Variants in BICC1 observed in about 807,000 individuals in gnomAD.
BICC1 encodes the protein BicC family RNA binding protein 1, also known as protein bicaudal C homolog 1.
BICC1 carries 43 observed loss-of-function variants against 111.0 expected under a neutral mutation model. The ratio of observed to expected loss-of-function variants is 0.39; its 90% CI spans 0.30 to 0.50. The LOEUF is 0.50. Ranked by LOEUF, BICC1 falls within the 20% of genes least tolerant of loss-of-function variation. BICC1 has a pLI of 0.88. For synonymous variants in BICC1, 467 were observed against 434.4 expected, an observed-to-expected ratio of 1.07 and a Z score of -0.93; for missense variants, 1,091 against 1,203.2, an observed-to-expected ratio of 0.91 and a Z score of 1.38.
chr10:58,714,787 C>T (rs1416731744), intron 3 of BICC1, among the ~76,000 whole-genome samples: 1 of 151,336 alleles, frequency 6.6e-6, no homozygotes, highest in Non-Finnish European at 1.5e-5. Context: ...TATCAGGCCT[C>T]TCAGGAGCAA....
chr10:58,615,406 G>A (rs867710608), intron 1 of BICC1, among the ~76,000 whole-genome samples: 4 of 152,192 alleles, frequency 2.6e-5, no homozygotes, highest in South Asian at 2.1e-4. Flanking sequence ...TGGAGTGCAG[G>A]CTCCCAACTC....
chr10:58,530,701 AG>A (rs67222408), intron 1 of BICC1, among the ~76,000 whole-genome samples: 3,885 of 51,992 alleles, frequency 0.075, 77 homozygotes, highest in Admixed American at 0.16. Flanking sequence ...AAAAAAAAAA[AG>A]AAAATCAGAA....
Position 58,794,165 on chromosome 10 carries a change from TTGTGTGTG to T in BICC1, c.1179+588_1179+595del, listed in dbSNP as rs71006206. Among the ~76,000 whole-genome samples, 881 of 138,276 alleles carry T rather than the reference TTGTGTGTG, an allele frequency of 6.4e-3. 6 individuals are homozygous for T. The highest frequency in any genetic ancestry group is 0.02 in the African/African-American group (736 of 37,252). The allele number at this position is 138,276 out of a possible 152,430, so 90.7% of individuals were successfully genotyped here. On this transcript the variant is annotated intron_variant, in intron 9 of 20. Transcript: ENST00000373886. ...GAGTTGATAAGGCTACTTACATGTT[TTGTGTGTG>T]TGTGTGTGTGTGTGTGTGTGTGTGT...
At chr10:58,679,820 T>A (rs1839459907) in intron 2 of BICC1, among the ~76,000 whole-genome samples, 1 of 152,146 alleles carries the variant, frequency 6.6e-6, no homozygotes, top group South Asian at 2.1e-4. Flanking sequence ...CAGCAGCACA[T>A]TAAAAAGCTT....
Position 58,612,113 on chromosome 10 carries a change from G to A in BICC1, c.191-8742G>A, listed in dbSNP as rs142755244. On this transcript the variant is annotated intron_variant, in intron 1 of 20. Coordinates refer to ENST00000373886, the MANE Select transcript of BICC1 (RefSeq NM_001080512.3). Reference sequence around the variant, plus strand: ...CAGCATTCAGATGATACTTTTCACCGTTGAAATTTAAAGTTAGAAGTGTTC... The same window carrying A: ...CAGCATTCAGATGATACTTTTCACCATTGAAATTTAAAGTTAGAAGTGTTC... Among the ~76,000 whole-genome samples, 376 of 152,256 alleles carry A rather than the reference G, an allele frequency of 2.5e-3. 4 individuals are homozygous for A. The highest frequency in any genetic ancestry group is 8.0e-3 in the African/African-American group (334 of 41,550).
intron 1 of BICC1, among the ~76,000 whole-genome samples, chr10:58,571,674 C>T (rs1220304162): frequency 6.6e-6 from 1 of 152,072 alleles, no homozygotes; most frequent in African/African-American, 2.4e-5. Context: ...TGATCTCATT[C>T]CTTTTTATGG....
At chr10:58,569,164 A>G (rs1250185160) in intron 1 of BICC1, among the ~76,000 whole-genome samples, 1 of 152,186 alleles carries the variant, frequency 6.6e-6, no homozygotes, top group African/African-American at 2.4e-5. Flanking sequence ...AAAGGGAGAA[A>G]ACAGCACTTC....
Position 58,512,997 on chromosome 10 carries a change from C to CGGCGGCGTTGGCGGT in BICC1, c.-142_-128dup, listed in dbSNP as rs1355184710. The CGGCGGCGTTGGCGGT allele has an allele frequency of 7.4e-6, 3 of 406,806 alleles. No individual in the cohort carries two copies. Among genetic ancestry groups the CGGCGGCGTTGGCGGT allele is most frequent in the African/African-American group, 6.5e-5 (3 of 46,146 alleles). 25.2% of individuals were successfully genotyped at this position (406,806 alleles called of 1,614,324 possible). A position where few individuals can be genotyped will look rare whatever the true frequency, so the allele number is the denominator to read the frequency against. On this transcript the variant is annotated 5_prime_UTR_variant, in exon 1 of 21. Coordinates refer to ENST00000373886, the MANE Select transcript of BICC1 (RefSeq NM_001080512.3). ...GGATGCGCCGGGGGCTCAGTGGCGG[C>CGGCGGCGTTGGCGGT]GGCGGCGTTGGCGGTGGCGTCGGCG...
chr10:58,702,834 C>T (rs1489778259), intron 3 of BICC1, among the ~76,000 whole-genome samples: 3 of 152,164 alleles, frequency 2.0e-5, no homozygotes, highest in Non-Finnish European at 4.4e-5. Flanking sequence ...AATGCAGATG[C>T]ATGTAGTTGT....
chr10:58,685,003 A>T (rs1839669127), intron 2 of BICC1, among the ~76,000 whole-genome samples: 1 of 152,170 alleles, frequency 6.6e-6, no homozygotes, highest in Non-Finnish European at 1.5e-5. Context: ...TCTTGTGGGC[A>T]TTTAGTGCTA....
chr10:58,513,426 C>A, intron 1 of BICC1, 93 bp downstream of exon 1: 2 of 1,265,412 alleles, frequency 1.6e-6, no homozygotes, highest in South Asian at 1.6e-5. Context: ...GCTACTCCAG[C>A]CTACGGCCGG....
intron 1 of BICC1, among the ~76,000 whole-genome samples, chr10:58,578,388 C>T (rs928692783): frequency 8.5e-5 from 13 of 152,102 alleles, no homozygotes; most frequent in African/African-American, 2.7e-4. Flanking sequence ...TTTCCAACGT[C>T]GGGCCCACAT....
rs151123604 is a variant in BICC1, at chr10:58,599,571, G to A, written c.191-21284G>A. Among the ~76,000 whole-genome samples the A allele has an allele frequency of 8.4e-3, 1,277 of 152,208 alleles. 21 individuals are homozygous for A. Among genetic ancestry groups the A allele is most frequent in the African/African-American group, 0.028 (1,178 of 41,532 alleles). On this transcript the variant is annotated intron_variant, in intron 1 of 20. Coordinates refer to ENST00000373886, the MANE Select transcript of BICC1 (RefSeq NM_001080512.3). ...TGTAGGTGATGGGTTGTTGGGTGCA[G>A]CAAACCACCATGGCATGTGTATACC...
In BICC1 at chr10:58,741,127, T is replaced by G. The variant is rs545601167; in HGVS notation, c.307+38984T>G. ...AGAAGGCAGTGCTCACATTTGTATT[T>G]TAGATTTCTGGGTGGAGAATCACCT... On this transcript the variant is annotated intron_variant, in intron 3 of 20. Transcript: ENST00000373886. Among the ~76,000 whole-genome samples the G allele has an allele frequency of 2.0e-5, 3 of 152,164 alleles. No homozygotes were observed. In the East Asian group the frequency reaches 5.8e-4, roughly 29 times the overall value.
intron 2 of BICC1, among the ~76,000 whole-genome samples, chr10:58,627,826 A>G (rs1461698762): frequency 2.6e-5 from 4 of 152,234 alleles, no homozygotes; most frequent in South Asian, 2.1e-4. Context: ...ATCCATATAT[A>G]AAGATATTCA....
intron 3 of BICC1, among the ~76,000 whole-genome samples, chr10:58,782,496 G>C (rs994454801): frequency 6.6e-6 from 1 of 152,208 alleles, no homozygotes; most frequent in African/African-American, 2.4e-5. Context: ...CAGTTACTGA[G>C]TCCTGAAGGC....
At chr10:58,812,470 T>C (rs1352734854) in intron 17 of BICC1, among the ~76,000 whole-genome samples, 1 of 151,518 alleles carries the variant, frequency 6.6e-6, no homozygotes, top group Non-Finnish European at 1.5e-5. Flanking sequence ...TAAATTTCTT[T>C]TCTTTTCTTT....
chr10:58,827,452 A>G (rs1301063838), intron 20 of BICC1, among the ~76,000 whole-genome samples: 1 of 152,248 alleles, frequency 6.6e-6, no homozygotes, highest in Non-Finnish European at 1.5e-5. Flanking sequence ...AAAAAAAATA[A>G]TAAATAAAGG....
chr10:58,618,306 A>C (rs769450952), intron 1 of BICC1, among the ~76,000 whole-genome samples: 1 of 152,208 alleles, frequency 6.6e-6, no homozygotes, highest in Non-Finnish European at 1.5e-5. Context: ...CCGGTCTTGC[A>C]TGTGAGTCTG....
Sources: allele counts gnomAD v4.1 joint callset (sites outside exome capture counted in the v4.1 genomes callset), GRCh38; gene constraint gnomAD v4.1.1; transcripts MANE v1.5; gene names NCBI Gene and HGNC (gene_info 2026-07-23, HGNC 2026-07-21).